Variants in SCAP observed in about 807,000 individuals in gnomAD.
The protein encoded by SCAP is sterol regulatory element-binding protein cleavage-activating protein.
A neutral mutation model predicts 123.6 loss-of-function variants in SCAP; 65 were observed. That is an observed-to-expected ratio of 0.53 (90% CI 0.43 to 0.65). SCAP has a LOEUF of 0.65. Ranked by LOEUF, SCAP falls within the 30% of genes least tolerant of loss-of-function variation. SCAP has a pLI of 0.00. For missense variants in SCAP, 1,398 were observed against 1,712.5 expected, an observed-to-expected ratio of 0.82 and a Z score of 3.24; for synonymous variants, 740 against 726.3, an observed-to-expected ratio of 1.02 and a Z score of -0.30.
At chr3:47,415,229 C>G in intron 18 of SCAP, 49 bp from the exon 19 acceptor site, 2 of 1,519,280 alleles carry the variant, frequency 1.3e-6, no homozygotes, top group Non-Finnish European at 1.8e-6. Context: ...GAGCCCCAGC[C>G]CTGGGGCTGA....
chr3:47,428,558 G>T lies in SCAP; in HGVS notation c.365C>A (p.Ala122Glu). 6.2e-7 allele frequency: 1 copy of T among 1,614,152 alleles called. No individual in the cohort carries two copies. Among genetic ancestry groups the T allele is most frequent in the South Asian group, 1.1e-5 (1 of 91,086 alleles). The part of the protein sequence containing the change: ...VDVFRSPLSR[A>E]FQLVEEIRNH... ...CCGGATCTCCTCCACCAGTTGGAATGCCCGGGACAAAGGTGAACGAAATAC... is the reference window on the plus strand; with the variant it reads ...CCGGATCTCCTCCACCAGTTGGAATTCCCGGGACAAAGGTGAACGAAATAC... The change falls in exon 4 of 23, where the codon GCA becomes GAA. Residue 122 changes from alanine (A) to glutamate (E), a missense_variant. Coordinates refer to ENST00000265565, the MANE Select transcript of SCAP (RefSeq NM_012235.4).
At chr3:47,470,786 AG>A (rs376600885) in intron 1 of SCAP, among the ~76,000 whole-genome samples, 1 of 151,928 alleles carries the variant, frequency 6.6e-6, no homozygotes, top group African/African-American at 2.4e-5. Context: ...GCTTGAACCC[AG>A]GGGGGCGAAG....
chr3:47,425,377 G>A (rs1396585210), intron 8 of SCAP, 108 bp downstream of exon 8: 1 of 1,196,070 alleles, frequency 8.4e-7, no homozygotes, highest in African/African-American at 1.5e-5. Flanking sequence ...ACAACAATGT[G>A]AAGACGTGAG....
upstream of SCAP, among the ~76,000 whole-genome samples, chr3:47,476,600 G>A (rs1227619620): frequency 6.6e-6 from 1 of 152,170 alleles, no homozygotes; most frequent in Admixed American, 6.6e-5. Context: ...CAGGGAACAG[G>A]TATTTGTTAT....
rs746325606 is a variant in SCAP at position 47,417,566 on chromosome 3, C to T, written c.2708G>A (p.Arg903His). Residue 903 changes from arginine to histidine, a missense_variant, in exon 17 of 23, where the codon CGC becomes CAC. Physicochemically the swap from Arg to His is conservative, Grantham distance 29 (BLOSUM62 0). Coordinates refer to ENST00000265565, the MANE Select transcript of SCAP (RefSeq NM_012235.4). ...PEPRHRAVCG[R>H]SRDSPGYDFS... is the part of the protein sequence containing the mutation. ...GTCATAGCCTGGGGAGTCCCGAGAGCGGCCACAGACCGCCCGGTGCCGGGG... is the reference window on the plus strand; with the variant it reads ...GTCATAGCCTGGGGAGTCCCGAGAGTGGCCACAGACCGCCCGGTGCCGGGG... The T allele has an allele frequency of 5.7e-6, 9 of 1,586,044 alleles. No homozygotes were observed. The highest frequency in any genetic ancestry group is 4.6e-5 in the South Asian group (4 of 87,592).
intron 2 of SCAP, among the ~76,000 whole-genome samples, chr3:47,441,728 C>T (rs1281024351): frequency 6.6e-6 from 1 of 152,060 alleles, no homozygotes; most frequent in Non-Finnish European, 1.5e-5. Context: ...CCCCAGTTTC[C>T]CTAATTATTA....
At position 47,422,441 on chromosome 3, in the gene SCAP, C is replaced by A. The variant is rs1452184697; in HGVS notation, c.1245+1G>T. On this transcript the variant is annotated splice_donor_variant, in intron 10 of 22. Transcript: ENST00000265565. LOFTEE classifies it high-confidence loss of function. ...CCAGGTGGCAGGCCTTGGGGCCTTA[C>A]CTGGATGGCGGGCACTAGGGTGAAG... The A allele has an allele frequency of 1.2e-6, 2 of 1,613,004 alleles. No homozygotes were observed. The highest frequency in any genetic ancestry group is 4.5e-5 in the East Asian group (2 of 44,864).
intron 13 of SCAP, 44 bp from the exon 14 acceptor site, chr3:47,418,887 G>A: frequency 1.4e-6 from 2 of 1,462,740 alleles, no homozygotes; most frequent in Non-Finnish European, 1.8e-6. Flanking sequence ...GCCTCCCAGG[G>A]CTTCCTCCTG....
At chr3:47,457,211 G>A (rs1461015578) in intron 1 of SCAP, among the ~76,000 whole-genome samples, 1 of 152,190 alleles carries the variant, frequency 6.6e-6, no homozygotes, top group African/African-American at 2.4e-5. Flanking sequence ...GGATCTGGTA[G>A]CCAGGTGCAA....
At chr3:47,438,671 G>A (rs562890844) in intron 2 of SCAP, among the ~76,000 whole-genome samples, 3 of 152,128 alleles carry the variant, frequency 2.0e-5, no homozygotes, top group African/African-American at 7.2e-5. Context: ...AAAATTGGCC[G>A]GACGCGGTGG....
intron 1 of SCAP, among the ~76,000 whole-genome samples, chr3:47,457,731 C>A (rs1202849755): frequency 6.6e-6 from 1 of 151,344 alleles, no homozygotes; most frequent in Admixed American, 6.6e-5. Flanking sequence ...CATAGTGAAA[C>A]CCCGTCTCTA....
chr3:47,426,417 CTCTT>C (rs1706131757), intron 6 of SCAP, among the ~76,000 whole-genome samples: 1 of 152,088 alleles, frequency 6.6e-6, no homozygotes, highest in Non-Finnish European at 1.5e-5. Flanking sequence ...CTCCAACACT[CTCTT>C]TTTTATTTAT....
At chr3:47,428,442 CACTGAGGACTGTA>C (rs1285465965) in intron 4 of SCAP, 58 bp downstream of exon 4, 1 of 1,506,636 alleles carries the variant, frequency 6.6e-7, no homozygotes, top group Non-Finnish European at 9.1e-7. Context: ...ACTGCAGTTA[CACTGAGGACTGTA>C]ACTCTCCCTT....
chr3:47,474,723 G>C (rs1201710908), intron 1 of SCAP, among the ~76,000 whole-genome samples: 2 of 152,154 alleles, frequency 1.3e-5, no homozygotes, highest in Non-Finnish European at 2.9e-5. Flanking sequence ...CCTGAGCCCA[G>C]GAAATCAAGG....
chr3:47,475,069 T>C (rs1056570213), intron 1 of SCAP, among the ~76,000 whole-genome samples: 2 of 152,194 alleles, frequency 1.3e-5, no homozygotes, highest in Admixed American at 6.5e-5. Context: ...AAGAGTTTAT[T>C]CACCTAGCTC....
intron 9 of SCAP, among the ~76,000 whole-genome samples, 160 bp downstream of exon 9, chr3:47,423,771 CAA>C (rs1165155461): frequency 3.3e-5 from 5 of 152,214 alleles, no homozygotes; most frequent in Non-Finnish European, 7.3e-5. Context: ...GGCACACACT[CAA>C]GAGCTGCCAG....
rs114537398 is a variant in SCAP at position 47,421,277 on chromosome 3, T to C, written c.1246-248A>G. 1.2e-3 allele frequency: 582 copies of C among 501,694 alleles called. 2 individuals are homozygous for C. The highest frequency in any genetic ancestry group is 0.01 in the African/African-American group (518 of 51,426). The allele number at this position is 501,694 out of a possible 1,614,324, so 31.1% of individuals were successfully genotyped here. On this transcript the variant is annotated intron_variant, in intron 10 of 22. Coordinates refer to ENST00000265565, the MANE Select transcript of SCAP (RefSeq NM_012235.4). ...GGCTGAAAGGGAAGGGGAAGTACCT[T>C]CCCTGAATCTTCCGGTCCCTCTAGA...
rs138723907 is a variant in SCAP, at chr3:47,414,928, G to A, written c.3205C>T (p.His1069Tyr). Reference protein sequence around the residue: ...VYSSSDTVACHLTHTVPCAHQ... With the variant: ...VYSSSDTVACYLTHTVPCAHQ... ...GCACAGGGCACTGTGTGGGTCAGGT[G>A]ACAGGCCACTGTGTCGCTGCTGCTG... The change falls in exon 20 of 23, where the codon CAC becomes TAC. Residue 1069 changes from histidine (H) to tyrosine (Y), a missense_variant. His to Tyr is a moderately conservative substitution (Grantham distance 83). Transcript: ENST00000265565. 15 of 1,612,602 alleles carry A rather than the reference G, an allele frequency of 9.3e-6. No homozygotes were observed. Among genetic ancestry groups the A allele is most frequent in the Non-Finnish European group, 1.1e-5 (13 of 1,179,716 alleles).
At chr3:47,448,553 AT>A (rs955125690) in intron 1 of SCAP, among the ~76,000 whole-genome samples, 149 of 143,578 alleles carry the variant, frequency 1.0e-3, no homozygotes, top group Non-Finnish European at 1.3e-3. Flanking sequence ...AGCTCTGTTC[AT>A]TTTTTTTTTT....
Sources: allele counts gnomAD v4.1 joint callset (sites outside exome capture counted in the v4.1 genomes callset), GRCh38; gene constraint gnomAD v4.1.1; transcripts MANE v1.5; gene names NCBI Gene and HGNC (gene_info 2026-07-23, HGNC 2026-07-21).